The following ANKS1A variants were observed in gnomAD, a reference collection of about 807,000 sequenced individuals.
ANKS1A encodes the protein ankyrin repeat and sterile alpha motif domain containing 1A, also known as ankyrin repeat and SAM domain-containing protein 1A.
A neutral mutation model predicts 120.3 loss-of-function variants in ANKS1A; 55 were observed. That is an observed-to-expected ratio of 0.46 (90% CI 0.37 to 0.57). The LOEUF (loss-of-function observed/expected upper bound fraction) is 0.57. Ranked by LOEUF, ANKS1A falls within the 20% of genes least tolerant of loss-of-function variation. ANKS1A has a pLI of 0.00. For synonymous variants in ANKS1A, 590 were observed against 604.7 expected (o/e 0.98, Z 0.36); for missense variants, 1,123 against 1,480.3 (o/e 0.76, Z 3.96).
chr6:34,917,405 G>T (rs976140531), intron 1 of ANKS1A, among the ~76,000 whole-genome samples: 4 of 152,208 alleles, frequency 2.6e-5, no homozygotes, highest in Non-Finnish European at 5.9e-5. Context: ...CCATGTTGAT[G>T]ACCTCTTCTC....
chr6:35,044,996 A>G lies in ANKS1A; in HGVS notation c.2011-9103A>G, dbSNP rs1485995161. Among the ~76,000 whole-genome samples the G allele has an allele frequency of 6.6e-6, 1 of 152,214 alleles. No individual in the cohort carries two copies. The highest frequency in any genetic ancestry group is 1.5e-5 in the Non-Finnish European group (1 of 68,040). ...AGTTACAGAGGGAAACAGGCACAGT[A>G]TCTCCTGCTATGGCCCTGGGAAATG... On this transcript the variant is annotated intron_variant, in intron 11 of 23. Transcript: ENST00000360359. The surrounding 1 kb of genome is among the most constrained non-coding windows in gnomAD (Gnocchi z 4.4).
intron 13 of ANKS1A, among the ~76,000 whole-genome samples, chr6:35,074,721 C>T (rs1777257413): frequency 6.6e-6 from 1 of 152,196 alleles, no homozygotes; most frequent in Admixed American, 6.5e-5. Context: ...GTGCCCAGGC[C>T]TCGCTTGTGC....
chr6:34,976,148 A>AAAAAAAAAG (rs1171030229), intron 3 of ANKS1A, among the ~76,000 whole-genome samples: 7 of 126,754 alleles, frequency 5.5e-5, no homozygotes, highest in Admixed American at 3.2e-4. Flanking sequence ...AAAAAAAAAA[A>AAAAAAAAAG]AAAGAAAAGA....
At chr6:35,065,790 A>G (rs1467234555) in intron 13 of ANKS1A, among the ~76,000 whole-genome samples, 2 of 152,200 alleles carry the variant, frequency 1.3e-5, no homozygotes, top group Admixed American at 6.5e-5. Flanking sequence ...GAGCCATTCA[A>G]CCATAGGCTG....
At chr6:34,950,373 C>T (rs982251323) in intron 1 of ANKS1A, among the ~76,000 whole-genome samples, 1 of 151,860 alleles carries the variant, frequency 6.6e-6, no homozygotes, top group Non-Finnish European at 1.5e-5. Flanking sequence ...GGATTACGGG[C>T]ACCCGCCACC....
At chr6:35,023,661 G>T in intron 11 of ANKS1A, 1 of 444,862 alleles carries the variant, frequency 2.2e-6, no homozygotes. Flanking sequence ...AGCAGTGGTA[G>T]CTGTTGGATC....
At chr6:34,926,414 A>T (rs1295607709) in intron 1 of ANKS1A, among the ~76,000 whole-genome samples, 7 of 152,160 alleles carry the variant, frequency 4.6e-5, no homozygotes, top group African/African-American at 1.7e-4. Flanking sequence ...GGAGAAAGAG[A>T]ATCCTTCAGA....
chr6:34,985,769 G>A (rs1029514764), intron 8 of ANKS1A, among the ~76,000 whole-genome samples: 7 of 152,104 alleles, frequency 4.6e-5, no homozygotes, highest in African/African-American at 1.7e-4. Context: ...GTTGTAGCAG[G>A]GCTTAACATT....
rs549975749 is a variant in ANKS1A, at chr6:34,991,605, T to C, written c.1302+2289T>C. 1.7e-4 allele frequency among the ~76,000 whole-genome samples: 25 copies of C among 148,224 alleles called. No individual in the cohort carries two copies. In the East Asian group the frequency reaches 2.3e-3, roughly 14 times the overall value. ...ATATACACATATATATATACACACA[T>C]ATATATACGTATATACACACACATA... On this transcript the variant is annotated intron_variant, in intron 9 of 23. Transcript: ENST00000360359.
At chr6:35,014,359 TTGG>T (rs1391273131) in intron 10 of ANKS1A, among the ~76,000 whole-genome samples, 1 of 152,232 alleles carries the variant, frequency 6.6e-6, no homozygotes, top group African/African-American at 2.4e-5. Context: ...CCACAAAATA[TTGG>T]TGGATTGTGG....
At chr6:35,067,862 A>C (rs1033499434) in intron 13 of ANKS1A, among the ~76,000 whole-genome samples, 1 of 139,990 alleles carries the variant, frequency 7.1e-6, no homozygotes, top group Admixed American at 7.2e-5. Context: ...TAGCTTTTAC[A>C]TTTTTCTTTG....
At chr6:35,052,609 T>TAAAAAAAAAAAAAAAAAAAAA (rs59378149) in intron 11 of ANKS1A, among the ~76,000 whole-genome samples, 3 of 102,430 alleles carry the variant, frequency 2.9e-5, no homozygotes, top group East Asian at 3.1e-4. Context: ...TCTTCTCTGT[T>TAAAAAAAAAAAAAAAAAAAAA]AAAAAAAAAA....
At chr6:34,908,324 T>A (rs1767738476) in intron 1 of ANKS1A, among the ~76,000 whole-genome samples, 1 of 151,952 alleles carries the variant, frequency 6.6e-6, no homozygotes, top group South Asian at 2.1e-4. Context: ...GAGGCAGAGG[T>A]AGAGAAGCTT....
At chr6:35,032,633 T>G (rs1774964764) in intron 11 of ANKS1A, among the ~76,000 whole-genome samples, 1 of 152,222 alleles carries the variant, frequency 6.6e-6, no homozygotes, top group African/African-American at 2.4e-5. Context: ...TGCTAAAGAC[T>G]TGCTGCGCTT....
Position 34,982,118 on chromosome 6 carries a change from G to C in ANKS1A, c.732+132G>C, listed in dbSNP as rs563791844. On this transcript the variant is annotated intron_variant, in intron 4 of 23. Transcript: ENST00000360359. This position sits in a 1 kb window ranked among gnomAD's most constrained non-coding sequence, Gnocchi z 4.9. ...ATCATGTTTCAAATGCTTATTTGCC[G>C]ACTCATTCTAATGTGACACTAAGAA... 1 of 1,146,000 alleles carries C rather than the reference G, an allele frequency of 8.7e-7. No individual in the cohort carries two copies. The highest frequency in any genetic ancestry group is 1.5e-5 in the African/African-American group (1 of 64,518). The allele number at this position is 1,146,000 out of a possible 1,614,324, so 71.0% of individuals were successfully genotyped here. A position where few individuals can be genotyped will look rare whatever the true frequency, so the allele number is the denominator to read the frequency against.
intron 8 of ANKS1A, 83 bp from the exon 9 acceptor site, chr6:34,989,141 C>T (rs1772378399): frequency 2.3e-6 from 3 of 1,310,748 alleles, no homozygotes; most frequent in African/African-American, 3.0e-5. Flanking sequence ...TTTTTCATTT[C>T]TAAGGGCTAA....
At chr6:34,961,229 A>G (rs1470440606) in intron 1 of ANKS1A, among the ~76,000 whole-genome samples, 1 of 152,200 alleles carries the variant, frequency 6.6e-6, no homozygotes, top group Admixed American at 6.5e-5. Context: ...AGAAAACCTA[A>G]TAGGACAGCT....
chr6:34,987,364 A>G (rs925643240), intron 8 of ANKS1A, among the ~76,000 whole-genome samples: 6 of 152,134 alleles, frequency 3.9e-5, no homozygotes, highest in Non-Finnish European at 7.3e-5. Context: ...GGCCTTAGGA[A>G]GGCTTCTACG....
At chr6:34,917,610 G>A (rs1268800764) in intron 1 of ANKS1A, among the ~76,000 whole-genome samples, 1 of 152,222 alleles carries the variant, frequency 6.6e-6, no homozygotes, top group Non-Finnish European at 1.5e-5. Flanking sequence ...GAAAAGAGCT[G>A]TTTGAATAGA....
Sources: allele counts gnomAD v4.1 joint callset (sites outside exome capture counted in the v4.1 genomes callset), GRCh38; gene constraint gnomAD v4.1.1; non-coding constraint Gnocchi (gnomAD v3.1); transcripts MANE v1.5; gene names NCBI Gene and HGNC (gene_info 2026-07-23, HGNC 2026-07-21).